Variants in NRG3 observed in about 807,000 individuals in gnomAD.
The protein encoded by NRG3 is pro-neuregulin-3, membrane-bound isoform.
NRG3 carries 31 observed loss-of-function variants against 66.9 expected under a neutral mutation model. The ratio of observed to expected loss-of-function variants is 0.46; its 90% CI spans 0.35 to 0.63. NRG3 has a LOEUF of 0.63. Among genes scored for constraint, NRG3 ranks in the 20% least tolerant of loss-of-function variants. The probability of loss-of-function intolerance (pLI) is 0.00; values close to 1 mark genes in which losing one functional copy is unlikely to be tolerated. For synonymous variants in NRG3, 393 were observed against 359.4 expected (o/e 1.09, Z -1.06); for missense variants, 910 against 878.9 (o/e 1.04, Z -0.45).
chr10:82,148,347 A>C (rs1193742192), intron 1 of NRG3, among the ~76,000 whole-genome samples: 1 of 152,084 alleles, frequency 6.6e-6, no homozygotes, highest in East Asian at 1.9e-4. Flanking sequence ...CAAACAAGCA[A>C]ATAATAATAA....
chr10:82,672,556 CATG>C (rs959392821), intron 2 of NRG3, among the ~76,000 whole-genome samples: 1 of 152,070 alleles, frequency 6.6e-6, no homozygotes, highest in Non-Finnish European at 1.5e-5. Flanking sequence ...CTTGGGTGAT[CATG>C]GTGGTGGGGA....
At chr10:82,024,890 C>T (rs1014600788) in intron 1 of NRG3, among the ~76,000 whole-genome samples, 1 of 152,218 alleles carries the variant, frequency 6.6e-6, no homozygotes, top group African/African-American at 2.4e-5. Flanking sequence ...CATTCCACAT[C>T]ATAATTTATT....
At chr10:82,759,507 G>A (rs1470522742) in intron 3 of NRG3, among the ~76,000 whole-genome samples, 2 of 152,112 alleles carry the variant, frequency 1.3e-5, no homozygotes, top group Non-Finnish European at 2.9e-5. Flanking sequence ...GAAACCAAAA[G>A]TATGTCATGA....
rs182876392 is a variant in NRG3, at chr10:82,041,292, C to T, written c.823+165129C>T. Among the ~76,000 whole-genome samples, 4 of 152,068 alleles carry T rather than the reference C, an allele frequency of 2.6e-5. No homozygotes were observed. The East Asian group carries it at 5.8e-4, about 22-fold the overall frequency. ...AGTGAAGGTTTACAAGTCTCCCTTG[C>T]GCTTGTGCATATGGATTAACTTCAC... On this transcript the variant is annotated intron_variant, in intron 1 of 8. Coordinates refer to ENST00000372141, the MANE Select transcript of NRG3 (RefSeq NM_001010848.4).
At chr10:82,956,456 G>A (rs951069948) in intron 5 of NRG3, among the ~76,000 whole-genome samples, 2 of 151,822 alleles carry the variant, frequency 1.3e-5, no homozygotes, top group Non-Finnish European at 2.9e-5. Flanking sequence ...GATAGGCAGA[G>A]GCAGGCTCAG....
intron 4 of NRG3, among the ~76,000 whole-genome samples, chr10:82,889,266 TGA>T (rs535562583): frequency 1.2e-4 from 18 of 152,158 alleles, no homozygotes; most frequent in Admixed American, 1.2e-3. Context: ...GAATCTATAC[TGA>T]GAGAGAGTCT....
chr10:82,277,425 A>G (rs1227754642), intron 1 of NRG3, among the ~76,000 whole-genome samples: 1 of 152,106 alleles, frequency 6.6e-6, no homozygotes, highest in Non-Finnish European at 1.5e-5. Context: ...TGCTTATTTT[A>G]CTTATAGATA....
At chr10:82,873,335 T>TTAACCTC (rs1471862409) in intron 4 of NRG3, among the ~76,000 whole-genome samples, 1 of 152,200 alleles carries the variant, frequency 6.6e-6, no homozygotes, top group Non-Finnish European at 1.5e-5. Flanking sequence ...AATTCATGTC[T>TTAACCTC]TAACCTCATT....
intron 2 of NRG3, among the ~76,000 whole-genome samples, chr10:82,509,277 T>C (rs779038965): frequency 6.6e-6 from 1 of 152,244 alleles, no homozygotes; most frequent in Non-Finnish European, 1.5e-5. Flanking sequence ...GTTTGTTATG[T>C]AGGTAGACTC....
At chr10:82,874,529 T>A (rs1841632884) in intron 4 of NRG3, among the ~76,000 whole-genome samples, 2 of 152,026 alleles carry the variant, frequency 1.3e-5, no homozygotes, top group Admixed American at 6.6e-5. Flanking sequence ...CATAGATGTG[T>A]GTTTGTGGAG....
chr10:82,181,446 T>A (rs2073410425), intron 1 of NRG3, among the ~76,000 whole-genome samples: 1 of 151,794 alleles, frequency 6.6e-6, no homozygotes, highest in South Asian at 2.1e-4. Context: ...TGCCATAAAA[T>A]TGGGTATGCT....
At chr10:82,396,664 G>C (rs1181096191) in intron 2 of NRG3, among the ~76,000 whole-genome samples, 1 of 152,182 alleles carries the variant, frequency 6.6e-6, no homozygotes, top group Non-Finnish European at 1.5e-5. Context: ...TAGCAAAGAA[G>C]TTTGTAGCTT....
chr10:82,213,601 A>G (rs949104376), intron 1 of NRG3, among the ~76,000 whole-genome samples: 2 of 152,216 alleles, frequency 1.3e-5, no homozygotes, highest in East Asian at 1.9e-4. Flanking sequence ...CCTGTATTCT[A>G]TTGAAAGCAC....
At chr10:82,555,161 C>T (rs2044570371) in intron 2 of NRG3, among the ~76,000 whole-genome samples, 1 of 152,158 alleles carries the variant, frequency 6.6e-6, no homozygotes, top group Non-Finnish European at 1.5e-5. Flanking sequence ...GAACAAAGAT[C>T]CCTCCTACTA....
At chr10:82,065,842 G>A (rs1490126721) in intron 1 of NRG3, among the ~76,000 whole-genome samples, 1 of 152,058 alleles carries the variant, frequency 6.6e-6, no homozygotes, top group Non-Finnish European at 1.5e-5. Flanking sequence ...CTGATTATCT[G>A]TTCAAGAATT....
chr10:82,037,690 T>G (rs1352190788), intron 1 of NRG3, among the ~76,000 whole-genome samples: 1 of 152,130 alleles, frequency 6.6e-6, no homozygotes, highest in East Asian at 1.9e-4. Context: ...CAGGTTGCAG[T>G]GTGTTTTCAA....
At chr10:82,266,286 A>G (rs751783130) in intron 1 of NRG3, among the ~76,000 whole-genome samples, 1 of 152,064 alleles carries the variant, frequency 6.6e-6, no homozygotes, top group Non-Finnish European at 1.5e-5. Flanking sequence ...TTATAATCCC[A>G]TTGGAGTAAT....
intron 2 of NRG3, among the ~76,000 whole-genome samples, chr10:82,463,108 C>T (rs185308606): frequency 1.3e-5 from 2 of 152,244 alleles, no homozygotes; most frequent in Admixed American, 6.5e-5. Context: ...TAGTGAGCAG[C>T]GCTTTTAATA....
intron 2 of NRG3, among the ~76,000 whole-genome samples, chr10:82,496,931 T>A (rs1178119129): frequency 6.6e-6 from 1 of 152,202 alleles, no homozygotes; most frequent in Non-Finnish European, 1.5e-5. Flanking sequence ...GATTTTCATA[T>A]TTAATATCTA....
Sources: allele counts gnomAD v4.1 joint callset (sites outside exome capture counted in the v4.1 genomes callset), GRCh38; gene constraint gnomAD v4.1.1; transcripts MANE v1.5; gene names NCBI Gene and HGNC (gene_info 2026-07-23, HGNC 2026-07-21).